CCDC3: variants seen among roughly 807,000 people sequenced by gnomAD.
CCDC3 encodes coiled-coil domain-containing protein 3.
CCDC3 carries 24 observed loss-of-function variants against 21.4 expected under a neutral mutation model. That is an observed-to-expected ratio of 1.12 (90% CI 0.81 to 1.58). CCDC3 has a LOEUF of 1.58. Among genes scored for constraint, CCDC3 ranks in the 40% most tolerant of loss-of-function variants. The pLI, the probability that CCDC3 is intolerant of heterozygous loss-of-function variation, is 0.00. For missense variants in CCDC3, 425 were observed against 360.9 expected, an observed-to-expected ratio of 1.18 and a Z score of -1.44; for synonymous variants, 186 against 166.0, an observed-to-expected ratio of 1.12 and a Z score of -0.93.
intron 4 of CCDC3, among the ~76,000 whole-genome samples, chr10:13,063,546 C>T (rs1447992545): frequency 6.6e-6 from 1 of 152,140 alleles, no homozygotes; most frequent in African/African-American, 2.4e-5. Context: ...TTTATGTCTA[C>T]TTCACAGATA....
chr10:12,985,694 A>G (rs12218192), intron 2 of CCDC3, among the ~76,000 whole-genome samples: 101,164 of 152,054 alleles, frequency 0.67, 34,586 homozygotes, highest in Non-Finnish European at 0.74. Context: ...ATATGTACAT[A>G]ACACCTGAAA....
At chr10:12,987,477 A>G (rs1294839748) in intron 2 of CCDC3, among the ~76,000 whole-genome samples, 2 of 152,130 alleles carry the variant, frequency 1.3e-5, no homozygotes, top group Non-Finnish European at 2.9e-5. Context: ...AGTGATATGG[A>G]TAAACCACAG....
intron 2 of CCDC3, among the ~76,000 whole-genome samples, chr10:12,975,365 C>A (rs549675486): frequency 6.6e-6 from 1 of 152,188 alleles, no homozygotes; most frequent in African/African-American, 2.4e-5. Flanking sequence ...CAGGAACCTT[C>A]CAGAGTTCTG....
intron 4 of CCDC3, among the ~76,000 whole-genome samples, chr10:13,055,811 T>C (rs949130799): frequency 6.6e-6 from 1 of 152,190 alleles, no homozygotes; most frequent in African/African-American, 2.4e-5. Context: ...TGCTACAGTC[T>C]CTCTTTTTCC....
rs67541166 is a variant in CCDC3, at chr10:12,931,208, C to CAAAA, written c.550-32533_550-32530dup. On this transcript the variant is annotated intron_variant, in intron 2 of 2. Coordinates refer to ENST00000378825, the MANE Select transcript of CCDC3 (RefSeq NM_031455.4). ...CCTGGGCCACAGAGCAAGACTCTGT[C>CAAAA]AAAAAAAAAAAAAAAAAAAAAAAAA... Among the ~76,000 whole-genome samples the CAAAA allele has an allele frequency of 3.1e-4, 23 of 75,046 alleles. 2 individuals are homozygous for CAAAA. The highest frequency in any genetic ancestry group is 7.1e-4 in the African/African-American group (15 of 21,054). The allele number at this position is 75,046 out of a possible 152,430, so 49.2% of individuals were successfully genotyped here. A position where few individuals can be genotyped will look rare whatever the true frequency, so the allele number is the denominator to read the frequency against.
intron 2 of CCDC3, among the ~76,000 whole-genome samples, chr10:12,930,284 G>A (rs1297192424): frequency 1.3e-5 from 2 of 152,138 alleles, no homozygotes; most frequent in African/African-American, 2.4e-5. Flanking sequence ...TTTGCATTGT[G>A]CCCTCAAAAA....
chr10:12,986,018 G>T (rs930910145), intron 2 of CCDC3, among the ~76,000 whole-genome samples: 1 of 152,186 alleles, frequency 6.6e-6, no homozygotes, highest in Admixed American at 6.5e-5. Flanking sequence ...TGGGACTACA[G>T]GCGCCCGCCA....
chr10:12,994,314 CT>C (rs1254480125), intron 2 of CCDC3, among the ~76,000 whole-genome samples: 2 of 151,802 alleles, frequency 1.3e-5, no homozygotes, highest in Non-Finnish European at 2.9e-5. Context: ...AGAAGTATCA[CT>C]TGAACCTGGG....
chr10:13,077,220 C>T (rs1327954955), intron 3 of CCDC3, among the ~76,000 whole-genome samples: 2 of 152,146 alleles, frequency 1.3e-5, no homozygotes, highest in African/African-American at 2.4e-5. Context: ...CAATAACAGA[C>T]AAACAGAGAG....
intron 2 of CCDC3, among the ~76,000 whole-genome samples, chr10:12,925,952 G>C (rs1834530089): frequency 6.6e-6 from 1 of 152,260 alleles, no homozygotes; most frequent in South Asian, 2.1e-4. Context: ...GCCCTGGGAG[G>C]CTTTATTGGG....
chr10:13,053,882 C>T (rs1167529443), intron 4 of CCDC3, among the ~76,000 whole-genome samples: 7 of 152,092 alleles, frequency 4.6e-5, no homozygotes, highest in African/African-American at 1.7e-4. Flanking sequence ...AATGAGGAAA[C>T]TCTTGTAATC....
intron 3 of CCDC3, among the ~76,000 whole-genome samples, chr10:13,078,336 T>C (rs1386637169): frequency 5.9e-5 from 9 of 152,016 alleles, no homozygotes; most frequent in South Asian, 2.1e-4. Flanking sequence ...GTTAGAATGG[T>C]GATCATTAAA....
intron 2 of CCDC3, among the ~76,000 whole-genome samples, chr10:12,946,269 G>T (rs993390712): frequency 1.3e-5 from 2 of 152,170 alleles, no homozygotes; most frequent in Non-Finnish European, 1.5e-5. Flanking sequence ...AGTGTCTAAG[G>T]CTGCGTCAAT....
chr10:12,909,492 G>A (rs1395682592), intron 2 of CCDC3, among the ~76,000 whole-genome samples: 1 of 152,200 alleles, frequency 6.6e-6, no homozygotes, highest in African/African-American at 2.4e-5. Context: ...GGTGCACTGT[G>A]TCCCCCATCA....
At chr10:12,898,907 C>G (rs1416787322) in intron 2 of CCDC3, among the ~76,000 whole-genome samples, 1 of 152,220 alleles carries the variant, frequency 6.6e-6, no homozygotes, top group Non-Finnish European at 1.5e-5. Flanking sequence ...GCTTTCCATA[C>G]TTGGCTTCCT....
chr10:12,984,620 TA>T (rs1835559445), intron 2 of CCDC3, among the ~76,000 whole-genome samples: 1 of 152,158 alleles, frequency 6.6e-6, no homozygotes, highest in South Asian at 2.1e-4. Context: ...CAGCATTATT[TA>T]TAACAGGCAA....
At chr10:13,055,598 T>G (rs1401739073) in intron 4 of CCDC3, among the ~76,000 whole-genome samples, 1 of 152,150 alleles carries the variant, frequency 6.6e-6, no homozygotes, top group Non-Finnish European at 1.5e-5. Flanking sequence ...GTGCTGAGAT[T>G]ACAGGCAGAA....
intron 3 of CCDC3, among the ~76,000 whole-genome samples, chr10:13,095,217 A>T (rs1031110467): frequency 4.6e-5 from 7 of 152,172 alleles, no homozygotes; most frequent in Admixed American, 3.3e-4. Context: ...TTTCCAAGGA[A>T]CTCATCCTCG....
chr10:13,077,737 T>C (rs1412219169), intron 3 of CCDC3, among the ~76,000 whole-genome samples: 3 of 152,240 alleles, frequency 2.0e-5, no homozygotes, highest in African/African-American at 7.2e-5. Context: ...TTGACAAACC[T>C]GACAAAAACA....
Sources: allele counts gnomAD v4.1 joint callset (sites outside exome capture counted in the v4.1 genomes callset), GRCh38; gene constraint gnomAD v4.1.1; transcripts MANE v1.5; gene names NCBI Gene and HGNC (gene_info 2026-07-23, HGNC 2026-07-21).